Variants in DDX25 observed in about 807,000 individuals in gnomAD.
DDX25 encodes the protein DEAD-box helicase 25, also known as ATP-dependent RNA helicase DDX25.
In DDX25, 70 loss-of-function variants were observed where a neutral mutation model predicts 64.6. That is an observed-to-expected ratio of 1.08 (90% CI 0.89 to 1.32). The LOEUF (loss-of-function observed/expected upper bound fraction) is 1.32, where lower values mean the gene tolerates loss of function less well. Among genes scored for constraint, DDX25 ranks in the 40% most tolerant of loss-of-function variants. The probability of loss-of-function intolerance (pLI) is 0.00; values close to 1 mark genes in which losing one functional copy is unlikely to be tolerated. For missense variants in DDX25, 587 were observed against 604.4 expected (o/e 0.97, Z 0.30); for synonymous variants, 211 against 213.3 (o/e 0.99, Z 0.09).
chr11:125,903,657 G>A (rs1387407546), upstream of DDX25, among the ~76,000 whole-genome samples: 1 of 148,320 alleles, frequency 6.7e-6, no homozygotes, highest in African/African-American at 2.5e-5. Flanking sequence ...GCACCACGGA[G>A]AGATCATGAC....
intron 1 of DDX25, 199 bp downstream of exon 1, chr11:125,904,779 G>A (rs1196988122): frequency 3.0e-6 from 2 of 666,720 alleles, no homozygotes; most frequent in East Asian, 2.9e-5. Context: ...CAAGACCTTT[G>A]GTTAGAAAGG....
intron 9 of DDX25, 110 bp from the exon 10 acceptor site, chr11:125,918,518 T>A (rs1945068369): frequency 7.1e-7 from 1 of 1,401,426 alleles, no homozygotes; most frequent in Non-Finnish European, 9.6e-7. Flanking sequence ...GAAGCTCAAC[T>A]CCTCTGCAGC....
intron 10 of DDX25, among the ~76,000 whole-genome samples, chr11:125,920,639 A>G (rs1945097726): frequency 6.6e-6 from 1 of 152,080 alleles, no homozygotes; most frequent in South Asian, 2.1e-4. Context: ...TTTGAACGTA[A>G]GTGTGCTGGA....
chr11:125,922,825 AG>A lies in DDX25; in HGVS notation c.1397del (p.Ser466IlefsTer69). ...LMKIQDHFNSSIKQLNAEDMD... is the reference protein window; with the variant it reads ...LMKIQDHFNSXIKQLNAEDMD... ...GTTCTCTTTTGTTCTTTTAGACAGCAGTATTAAGCAACTCAACGCTGAAGAC... is the reference window on the plus strand; with the variant it reads ...GTTCTCTTTTGTTCTTTTAGACAGCATATTAAGCAACTCAACGCTGAAGAC... On this transcript the variant is annotated frameshift_variant, in exon 12 of 12. Coordinates refer to ENST00000263576, the MANE Select transcript of DDX25 (RefSeq NM_013264.5). LOFTEE classifies it high-confidence loss of function. The A allele has an allele frequency of 6.2e-7, 1 of 1,608,298 alleles. No homozygotes were observed. Among genetic ancestry groups the A allele is most frequent in the Non-Finnish European group, 8.5e-7 (1 of 1,177,002 alleles).
intron 9 of DDX25, among the ~76,000 whole-genome samples, chr11:125,918,323 G>T (rs573681321): frequency 6.6e-6 from 1 of 152,336 alleles, no homozygotes; most frequent in African/African-American, 2.4e-5. Context: ...GTCTGTTGTT[G>T]CCATTGTTAC....
chr11:125,905,704 G>A lies in DDX25; in HGVS notation c.175+107G>A, dbSNP rs1944874448. ...TCTCAATTGGAAAAGGCCTGTCTTTGCTTCTGTTTTCTTATAGTGACTATC... is the reference window on the plus strand; with the variant it reads ...TCTCAATTGGAAAAGGCCTGTCTTTACTTCTGTTTTCTTATAGTGACTATC... On this transcript the variant is annotated intron_variant, in intron 3 of 11. Coordinates refer to ENST00000263576, the MANE Select transcript of DDX25 (RefSeq NM_013264.5). 5 of 1,172,610 alleles carry A rather than the reference G, an allele frequency of 4.3e-6. No individual in the cohort carries two copies. In the East Asian group the frequency reaches 1.3e-4, roughly 30 times the overall value. 72.6% of individuals were successfully genotyped at this position (1,172,610 alleles called of 1,614,324 possible).
chr11:125,913,074 C>G (rs1006466119), intron 8 of DDX25, among the ~76,000 whole-genome samples: 4 of 150,146 alleles, frequency 2.7e-5, no homozygotes, highest in African/African-American at 4.9e-5. Context: ...AGGAGAATGG[C>G]GTGAACCCGG....
rs1945151188 is a variant in DDX25, at chr11:125,924,527, C to T, written c.*1646C>T. The stretch of plus-strand genomic sequence containing the variant: ...AGGAGAGGACACTCAGGATCTCCTA[C>T]AGGAGAGCAGGATGTATTCAACTGT... On this transcript the variant is annotated 3_prime_UTR_variant, in exon 12 of 12. Coordinates refer to ENST00000263576, the MANE Select transcript of DDX25 (RefSeq NM_013264.5). The T allele has an allele frequency of 6.6e-6, 1 of 152,340 alleles. No homozygotes were observed. Among genetic ancestry groups the T allele is most frequent in the Non-Finnish European group, 1.5e-5 (1 of 68,126 alleles). 9.4% of individuals were successfully genotyped at this position (152,340 alleles called of 1,614,324 possible).
At position 125,911,398 on chromosome 11, in the gene DDX25, A is replaced by G. The variant is rs1449379502; in HGVS notation, c.710A>G (p.Asp237Gly). Residue 237 changes from aspartate (D) to glycine (G), a missense_variant, in exon 8 of 12, where the codon GAT becomes GGT. Transcript: ENST00000263576. ...TGGTGTTTTAAACTAAAATTGATTGATTTGACTAAGATTCGTGTGTTTGTC... is the reference window on the plus strand; with the variant it reads ...TGGTGTTTTAAACTAAAATTGATTGGTTTGACTAAGATTCGTGTGTTTGTC... The part of the protein sequence containing the change: ...LDWCFKLKLI[D>G]LTKIRVFVLD... 74 of 1,613,754 alleles carry G rather than the reference A, an allele frequency of 4.6e-5. No homozygotes were observed. Among genetic ancestry groups the G allele is most frequent in the Non-Finnish European group, 6.2e-5 (73 of 1,179,840 alleles).
chr11:125,904,571 G>T lies in DDX25; in HGVS notation c.54G>T (p.Leu18=). 6.7e-7 allele frequency: 1 copy of T among 1,492,600 alleles called. No individual in the cohort carries two copies. The allele number at this position is 1,492,600 out of a possible 1,614,324, so 92.5% of individuals were successfully genotyped here. The change falls in exon 1 of 12, where the codon CTG becomes CTT. Residue 18 remains leucine, a synonymous_variant. Transcript: ENST00000263576. ...CAGGGGCGGCGGAGAGCGAGCGGCTGAACAGCCACGTAACCGCCACCGAGC... is the reference window on the plus strand; with the variant it reads ...CAGGGGCGGCGGAGAGCGAGCGGCTTAACAGCCACGTAACCGCCACCGAGC... The part of the protein sequence containing the change: ...GDAGAAESER[L]NSHFSNLSQP...
At chr11:125,904,816 A>G in intron 1 of DDX25, 1 of 585,368 alleles carries the variant, frequency 1.7e-6, no homozygotes. Context: ...CTGGAAATCC[A>G]GGGTGGGAAC....
chr11:125,924,781 G>C lies in DDX25; in HGVS notation c.*1900G>C, dbSNP rs943282289. ...TAGAGCAGTGGTAACGAAGATGGCC[G>C]TCCCAGCGGGAGACCCTCAGGCAGA... On this transcript the variant is annotated 3_prime_UTR_variant, in exon 12 of 12. Transcript: ENST00000263576. 2 of 152,338 alleles carry C rather than the reference G, an allele frequency of 1.3e-5. No homozygotes were observed. Among genetic ancestry groups the C allele is most frequent in the Admixed American group, 6.5e-5 (1 of 15,280 alleles). The allele number at this position is 152,338 out of a possible 1,614,324, so 9.4% of individuals were successfully genotyped here.
intron 8 of DDX25, among the ~76,000 whole-genome samples, chr11:125,912,802 A>T (rs1429281697): frequency 6.7e-6 from 1 of 150,218 alleles, no homozygotes; most frequent in African/African-American, 2.5e-5. Flanking sequence ...TCCCTTAGCT[A>T]TTCTATCGTA....
intron 10 of DDX25, 138 bp downstream of exon 10, chr11:125,918,928 T>C: frequency 9.3e-7 from 1 of 1,081,042 alleles, no homozygotes; most frequent in Non-Finnish European, 1.3e-6. Context: ...AGCATCTCCA[T>C]CTCCCCAGTT....
At chr11:125,922,642 TG>T in intron 11 of DDX25, 177 bp from the exon 12 acceptor site, 1 of 524,656 alleles carries the variant, frequency 1.9e-6, no homozygotes, top group Non-Finnish European at 3.4e-6. Flanking sequence ...TTCCATGGTC[TG>T]GTGCATTTGA....
chr11:125,905,803 T>G (rs1181355031), intron 3 of DDX25, among the ~76,000 whole-genome samples: 1 of 152,228 alleles, frequency 6.6e-6, no homozygotes, highest in Non-Finnish European at 1.5e-5. Context: ...GGGATTGGGT[T>G]CAGAACTTCC....
upstream of DDX25, among the ~76,000 whole-genome samples, chr11:125,903,690 T>G (rs1944831974): frequency 6.7e-6 from 1 of 149,948 alleles, no homozygotes; most frequent in Non-Finnish European, 1.5e-5. Context: ...TGGGTTTTTG[T>G]ATTTTTGCCC....
intron 6 of DDX25, among the ~76,000 whole-genome samples, 174 bp from the exon 7 acceptor site, chr11:125,910,190 C>T (rs1290297246): frequency 2.0e-5 from 3 of 152,158 alleles, no homozygotes; most frequent in Admixed American, 2.0e-4. Context: ...TCATACTCAA[C>T]ATTCACCTCA....
intron 4 of DDX25, among the ~76,000 whole-genome samples, chr11:125,906,434 G>T (rs967886208): frequency 6.6e-6 from 1 of 151,748 alleles, no homozygotes; most frequent in Admixed American, 6.6e-5. Context: ...TCCTGCCTCA[G>T]CCTCCCGAGT....
Sources: allele counts gnomAD v4.1 joint callset (sites outside exome capture counted in the v4.1 genomes callset), GRCh38; gene constraint gnomAD v4.1.1; transcripts MANE v1.5; gene names NCBI Gene and HGNC (gene_info 2026-07-23, HGNC 2026-07-21).